Variants in DNAH7 observed in about 807,000 individuals in gnomAD.
The protein encoded by DNAH7 is dynein axonemal heavy chain 7.
A neutral mutation model predicts 444.6 loss-of-function variants in DNAH7; 397 were observed. The observed-to-expected ratio is 0.89, with a 90% confidence interval of 0.82 to 0.97. The LOEUF is 0.97. DNAH7 is among the 50% of genes least tolerant of loss of function. The pLI is 0.00. For missense variants in DNAH7, 4,902 were observed against 4,800.8 expected, an observed-to-expected ratio of 1.02 and a Z score of -0.62; for synonymous variants, 1,636 against 1,624.4, an observed-to-expected ratio of 1.01 and a Z score of -0.17.
chr2:196,023,798 C>T (rs1048278429), intron 8 of DNAH7, among the ~76,000 whole-genome samples: 2 of 152,168 alleles, frequency 1.3e-5, no homozygotes, highest in African/African-American at 4.8e-5. Context: ...CCTCACTAAG[C>T]TTAATTATTT....
At chr2:195,839,528 G>A (rs1209164202) in intron 47 of DNAH7, among the ~76,000 whole-genome samples, 2 of 151,608 alleles carry the variant, frequency 1.3e-5, no homozygotes, top group Non-Finnish European at 3.0e-5. Flanking sequence ...GAAGAAATCA[G>A]TATTATTGAA....
chr2:195,841,145 C>T (rs982347137), intron 47 of DNAH7, among the ~76,000 whole-genome samples: 9 of 151,764 alleles, frequency 5.9e-5, no homozygotes, highest in East Asian at 1.9e-4. Context: ...TCAACAAAGA[C>T]GTAAAGGCAA....
At chr2:195,787,294 A>C (rs897172960) in intron 57 of DNAH7, 123 bp from the exon 58 acceptor site, 13 of 1,013,996 alleles carry the variant, frequency 1.3e-5, no homozygotes, top group Non-Finnish European at 1.7e-5. Flanking sequence ...TATTCATCCC[A>C]AATTACAATT....
chr2:195,791,240 C>T (rs1214703363), intron 57 of DNAH7, among the ~76,000 whole-genome samples: 3 of 151,818 alleles, frequency 2.0e-5, no homozygotes, highest in South Asian at 2.1e-4. Context: ...GGTGAAGGCG[C>T]GTGGATCACG....
At chr2:195,963,005 T>C (rs142707352) in intron 17 of DNAH7, among the ~76,000 whole-genome samples, 2 of 152,352 alleles carry the variant, frequency 1.3e-5, no homozygotes, top group African/African-American at 4.8e-5. Context: ...ATTTTCTTTA[T>C]CTATTCATCT....
At chr2:195,896,239 T>C (rs1702307333) in intron 29 of DNAH7, among the ~76,000 whole-genome samples, 1 of 152,222 alleles carries the variant, frequency 6.6e-6, no homozygotes, top group Non-Finnish European at 1.5e-5. Flanking sequence ...TGTGCAGTGA[T>C]ATTTTGTTAC....
chr2:195,947,316 T>A (rs1689883192), intron 19 of DNAH7, among the ~76,000 whole-genome samples: 1 of 152,070 alleles, frequency 6.6e-6, no homozygotes, highest in East Asian at 1.9e-4. Context: ...GATTATACTT[T>A]AAGTTCTGGG....
chr2:196,021,660 A>T (rs1182769447), intron 8 of DNAH7, among the ~76,000 whole-genome samples: 1 of 151,948 alleles, frequency 6.6e-6, no homozygotes, highest in Non-Finnish European at 1.5e-5. Context: ...TCTCTAAAAA[A>T]AAAAAAATTA....
intron 21 of DNAH7, among the ~76,000 whole-genome samples, chr2:195,930,096 G>A (rs1431699514): frequency 2.0e-5 from 3 of 152,012 alleles, no homozygotes; most frequent in African/African-American, 7.2e-5. Flanking sequence ...TGTAATCCCA[G>A]AACTTTGGGA....
intron 14 of DNAH7, among the ~76,000 whole-genome samples, chr2:195,985,500 T>C (rs1419209468): frequency 6.6e-6 from 1 of 152,162 alleles, no homozygotes; most frequent in African/African-American, 2.4e-5. Flanking sequence ...AAAAACTGAA[T>C]GGTGTGACAG....
At chr2:195,817,922 T>C (rs1651695613) in intron 49 of DNAH7, 93 bp from the exon 50 acceptor site, 3 of 882,724 alleles carry the variant, frequency 3.4e-6, no homozygotes, top group Non-Finnish European at 5.0e-6. Context: ...AAATAGACTC[T>C]ATTTACTATA....
intron 63 of DNAH7, among the ~76,000 whole-genome samples, chr2:195,745,874 G>A (rs955232003): frequency 3.3e-5 from 5 of 152,192 alleles, no homozygotes; most frequent in East Asian, 1.9e-4. Flanking sequence ...AAGAACAACC[G>A]GTACCAGCCA....
intron 5 of DNAH7, among the ~76,000 whole-genome samples, chr2:196,041,751 A>AAT (rs1696774825): frequency 6.6e-6 from 1 of 152,068 alleles, no homozygotes; most frequent in Non-Finnish European, 1.5e-5. Context: ...CAATCAACAG[A>AAT]ATGAAGAGAA....
At chr2:195,974,973 A>G (rs771963721) in intron 15 of DNAH7, among the ~76,000 whole-genome samples, 3 of 152,196 alleles carry the variant, frequency 2.0e-5, no homozygotes, top group Non-Finnish European at 4.4e-5. Context: ...TCCTGTGTAT[A>G]GAAAGTTTTG....
At chr2:195,954,123 C>A (rs890196746) in intron 19 of DNAH7, among the ~76,000 whole-genome samples, 3 of 152,102 alleles carry the variant, frequency 2.0e-5, no homozygotes, top group African/African-American at 7.2e-5. Context: ...GTGTGCTGCA[C>A]CCATTAACTC....
chr2:195,821,074 T>A (rs1574493746), intron 49 of DNAH7, among the ~76,000 whole-genome samples: 1 of 152,070 alleles, frequency 6.6e-6, no homozygotes, highest in East Asian at 1.9e-4. Context: ...CCACCTTTGT[T>A]TTATGTACAG....
At chr2:196,036,337 A>G (rs1696389365) in intron 5 of DNAH7, among the ~76,000 whole-genome samples, 1 of 151,898 alleles carries the variant, frequency 6.6e-6, no homozygotes, top group African/African-American at 2.4e-5. Context: ...CCTGGCCTCC[A>G]CATTCTTAAG....
At chr2:196,045,338 AAGGG>A (rs1697052480) in intron 5 of DNAH7, among the ~76,000 whole-genome samples, 1 of 151,064 alleles carries the variant, frequency 6.6e-6, no homozygotes, top group Non-Finnish European at 1.5e-5. Flanking sequence ...AAGAGGGAGG[AAGGG>A]AGGGAGGGAA....
intron 46 of DNAH7, among the ~76,000 whole-genome samples, chr2:195,846,838 A>C (rs975925234): frequency 6.6e-6 from 1 of 152,040 alleles, no homozygotes; most frequent in Non-Finnish European, 1.5e-5. Context: ...GAAGACTCCA[A>C]GTTCTTCAGC....
Sources: allele counts gnomAD v4.1 joint callset (sites outside exome capture counted in the v4.1 genomes callset), GRCh38; gene constraint gnomAD v4.1.1; transcripts MANE v1.5; gene names NCBI Gene and HGNC (gene_info 2026-07-23, HGNC 2026-07-21).